SEMA5B: variants seen among roughly 807,000 people sequenced by gnomAD.
SEMA5B encodes the protein semaphorin-5B.
In SEMA5B, 66 loss-of-function variants were observed where a neutral mutation model predicts 135.0. The observed-to-expected ratio is 0.49, with a 90% CI of 0.40 to 0.60. The LOEUF is 0.60. Ranked by LOEUF, SEMA5B falls within the 20% of genes least tolerant of loss-of-function variation. SEMA5B has a pLI of 0.00. For synonymous variants in SEMA5B, 690 were observed against 639.5 expected, an observed-to-expected ratio of 1.08 and a Z score of -1.19; for missense variants, 1,501 against 1,566.3, an observed-to-expected ratio of 0.96 and a Z score of 0.70.
At chr3:122,993,623 G>T (rs962610942) in intron 1 of SEMA5B, among the ~76,000 whole-genome samples, 10 of 152,106 alleles carry the variant, frequency 6.6e-5, no homozygotes, top group African/African-American at 2.4e-4. Flanking sequence ...GTATCTATCG[G>T]TCCCTCTCTA....
intron 3 of SEMA5B, 22 bp downstream of exon 3, chr3:122,948,484 C>A: frequency 1.9e-6 from 3 of 1,583,096 alleles, no homozygotes; most frequent in Admixed American, 1.7e-5. Context: ...CAAGACAGGG[C>A]CAAGTAGGAA....
At chr3:123,002,998 C>T (rs1942219617) in intron 1 of SEMA5B, among the ~76,000 whole-genome samples, 1 of 152,064 alleles carries the variant, frequency 6.6e-6, no homozygotes. Context: ...TGTCTATCAT[C>T]CCAGTGACCG....
chr3:122,945,903 T>A (rs1035104645), intron 3 of SEMA5B, among the ~76,000 whole-genome samples: 1 of 141,118 alleles, frequency 7.1e-6, no homozygotes, highest in African/African-American at 2.7e-5. Context: ...CTCACCCACA[T>A]GGGCAAGGGG....
chr3:122,991,600 C>A (rs1383444415), intron 1 of SEMA5B, among the ~76,000 whole-genome samples: 1 of 152,156 alleles, frequency 6.6e-6, no homozygotes, highest in Non-Finnish European at 1.5e-5. Context: ...GAAACCTTGA[C>A]CTAAACACTG....
chr3:122,983,611 G>T (rs539949364), intron 1 of SEMA5B, among the ~76,000 whole-genome samples: 1 of 150,562 alleles, frequency 6.6e-6, no homozygotes, highest in Admixed American at 6.7e-5. Context: ...CCAGCTACTC[G>T]GGAGGCTGAG....
In SEMA5B at chr3:122,913,574, C is replaced by G; in HGVS notation, c.2240G>C (p.Arg747Pro). Residue 747 changes from arginine (R) to proline (P), a missense_variant, in exon 16 of 23, where the codon CGG becomes CCG. Physicochemically the swap from Arg to Pro is moderately radical, Grantham distance 103 (BLOSUM62 -2). Transcript: ENST00000357599. ...GCAGGAGTTGCCGTTCTCGCAGGCCCGACGCCGCGACTGCATGCCCCCTCC... is the reference window on the plus strand; with the variant it reads ...GCAGGAGTTGCCGTTCTCGCAGGCCGGACGCCGCGACTGCATGCCCCCTCC... ...NCGGGMQSRR[R>P]ACENGNSCLG... 1 of 1,613,000 alleles carries G rather than the reference C, an allele frequency of 6.2e-7. No individual in the cohort carries two copies. Among genetic ancestry groups the G allele is most frequent in the Non-Finnish European group, 8.5e-7 (1 of 1,179,880 alleles).
At chr3:122,942,288 C>T (rs751045869) in intron 4 of SEMA5B, among the ~76,000 whole-genome samples, 2 of 152,146 alleles carry the variant, frequency 1.3e-5, no homozygotes, top group South Asian at 4.1e-4. Context: ...CTCATCCACA[C>T]CTAATCCAGA....
At chr3:122,926,054 G>A (rs62261733) in intron 9 of SEMA5B, among the ~76,000 whole-genome samples, 4,835 of 152,278 alleles carry the variant, frequency 0.032, 82 homozygotes, top group Middle Eastern at 0.061. Flanking sequence ...GTGAATTCCT[G>A]TTGAGCCTCC....
intron 2 of SEMA5B, among the ~76,000 whole-genome samples, chr3:122,959,626 G>A (rs1009658128): frequency 6.6e-6 from 1 of 152,208 alleles, no homozygotes; most frequent in Non-Finnish European, 1.5e-5. Flanking sequence ...AAAACAAAGT[G>A]TGAACATCGT....
chr3:122,954,792 C>CT (rs34786092), intron 2 of SEMA5B, among the ~76,000 whole-genome samples: 14,101 of 129,870 alleles, frequency 0.11, 1,033 homozygotes, highest in Middle Eastern at 0.2. Flanking sequence ...GGGTGGTCAT[C>CT]TTTTTTTTTT....
chr3:122,968,069 C>T (rs1230356318), intron 1 of SEMA5B, among the ~76,000 whole-genome samples: 3 of 152,200 alleles, frequency 2.0e-5, no homozygotes, highest in South Asian at 4.1e-4. Flanking sequence ...TGTGCAGATC[C>T]GCTCCAAGGC....
intron 1 of SEMA5B, among the ~76,000 whole-genome samples, chr3:123,026,802 C>G (rs746396762): frequency 1.3e-5 from 2 of 152,238 alleles, no homozygotes; most frequent in African/African-American, 4.8e-5. Context: ...CTGCTTCCAG[C>G]TGCCGCACCC....
intron 1 of SEMA5B, among the ~76,000 whole-genome samples, chr3:122,985,101 G>C (rs1941657808): frequency 1.3e-5 from 2 of 152,180 alleles, no homozygotes; most frequent in Admixed American, 1.3e-4. Flanking sequence ...CAACTTGTTT[G>C]ACATTCCTTT....
chr3:123,004,242 A>C (rs1287477094), intron 1 of SEMA5B, among the ~76,000 whole-genome samples: 1 of 152,238 alleles, frequency 6.6e-6, no homozygotes, highest in Non-Finnish European at 1.5e-5. Context: ...CCATATAAGA[A>C]ATGCAAATTA....
intron 1 of SEMA5B, among the ~76,000 whole-genome samples, chr3:122,993,670 A>G (rs1398380982): frequency 6.6e-6 from 1 of 151,908 alleles, no homozygotes; most frequent in African/African-American, 2.4e-5. Context: ...GGGTTTGGAG[A>G]CAGGGGGATG....
intron 1 of SEMA5B, among the ~76,000 whole-genome samples, chr3:122,969,410 C>T (rs1941017131): frequency 1.3e-5 from 2 of 152,208 alleles, no homozygotes; most frequent in African/African-American, 4.8e-5. Flanking sequence ...TTCCCTGTAT[C>T]CAAAGCTGAG....
intron 4 of SEMA5B, among the ~76,000 whole-genome samples, chr3:122,941,068 A>T (rs571720185): frequency 3.4e-4 from 52 of 152,284 alleles, no homozygotes; most frequent in African/African-American, 1.2e-3. Flanking sequence ...CCCACCCTAA[A>T]TCCCTTTCGG....
Position 123,012,447 on chromosome 3 carries a change from G to A in SEMA5B, c.-39+15017C>T, listed in dbSNP as rs181607476. On this transcript the variant is annotated intron_variant, in intron 1 of 22. Coordinates refer to ENST00000357599, the MANE Select transcript of SEMA5B (RefSeq NM_001031702.4). Reference sequence around the variant, plus strand: ...AAGATTTCCCCAGCAGGTGACCAGGGCAAAGCCATAGGCATGGCCCCTCCG... The same window carrying A: ...AAGATTTCCCCAGCAGGTGACCAGGACAAAGCCATAGGCATGGCCCCTCCG... Among the ~76,000 whole-genome samples, 278 of 152,244 alleles carry A rather than the reference G, an allele frequency of 1.8e-3. 1 individual carries two copies. The highest frequency in any genetic ancestry group is 6.6e-3 in the African/African-American group (273 of 41,528).
intron 1 of SEMA5B, among the ~76,000 whole-genome samples, chr3:123,018,114 C>T (rs116645882): frequency 1.5e-4 from 23 of 152,282 alleles, no homozygotes; most frequent in African/African-American, 2.2e-4. Context: ...GGTGTTCCAG[C>T]CTCAGAGCCG....
Sources: gnomAD v4.1 joint callset for allele counts (sites outside exome capture counted in the v4.1 genomes callset) on GRCh38, gnomAD v4.1.1 for gene constraint, MANE v1.5 for transcripts, NCBI Gene and HGNC (gene_info 2026-07-23, HGNC 2026-07-21) for gene names.